The following TMPRSS7 variants were observed in gnomAD, a reference collection of about 807,000 sequenced individuals.
The protein encoded by TMPRSS7 is transmembrane serine protease 7.
In TMPRSS7, 81 loss-of-function variants were observed where a neutral mutation model predicts 95.6. That is an observed-to-expected ratio of 0.85 (90% CI 0.71 to 1.02). TMPRSS7 has a LOEUF of 1.02. Ranked by LOEUF, TMPRSS7 falls within the 50% of genes least tolerant of loss-of-function variation. The pLI, the probability that TMPRSS7 is intolerant of heterozygous loss-of-function variation, is 0.00. For synonymous variants in TMPRSS7, 364 were observed against 337.8 expected (o/e 1.08, Z -0.85); for missense variants, 945 against 955.2 (o/e 0.99, Z 0.14).
chr3:112,055,349 A>C (rs2073419531), intron 9 of TMPRSS7, among the ~76,000 whole-genome samples: 1 of 152,058 alleles, frequency 6.6e-6, no homozygotes, highest in African/African-American at 2.4e-5. Flanking sequence ...TGTGATGTTT[A>C]AGTGAGAAAC....
chr3:112,077,117 A>G, exon 16 of TMPRSS7: 2 of 1,614,118 alleles, frequency 1.2e-6, no homozygotes, highest in East Asian at 2.2e-5. Context: ...GTGCTGGGTA[A>G]CTGGCTGGGG....
chr3:112,067,150 G>A (rs1404414046), intron 13 of TMPRSS7, among the ~76,000 whole-genome samples: 1 of 152,178 alleles, frequency 6.6e-6, no homozygotes, highest in African/African-American at 2.4e-5. Flanking sequence ...CCCTGCAAAG[G>A]ACATGAACTC....
intron 16 of TMPRSS7, among the ~76,000 whole-genome samples, chr3:112,077,769 G>A (rs996605622): frequency 6.6e-6 from 1 of 152,186 alleles, no homozygotes; most frequent in Non-Finnish European, 1.5e-5. Flanking sequence ...AGGCTGTATA[G>A]TAGGGAAGTC....
intron 13 of TMPRSS7, among the ~76,000 whole-genome samples, chr3:112,068,722 G>C (rs1321770844): frequency 6.6e-6 from 1 of 152,160 alleles, no homozygotes; most frequent in Non-Finnish European, 1.5e-5. Flanking sequence ...GAGATTTTGG[G>C]CTGAGATGAT....
intron 9 of TMPRSS7, among the ~76,000 whole-genome samples, 153 bp downstream of exon 9, chr3:112,050,936 T>G (rs2073340338): frequency 6.6e-6 from 1 of 152,242 alleles, no homozygotes; most frequent in South Asian, 2.1e-4. Flanking sequence ...AACACTTTTC[T>G]GTAATTTCAA....
chr3:112,066,274 C>A, intron 12 of TMPRSS7, 118 bp from the exon 13 acceptor site: 1 of 788,462 alleles, frequency 1.3e-6, no homozygotes, highest in Non-Finnish European at 2.0e-6. Flanking sequence ...GGAAAATACA[C>A]TTTTTGTTTT....
chr3:112,069,503 G>A (rs1039304024), intron 13 of TMPRSS7, among the ~76,000 whole-genome samples: 8 of 152,168 alleles, frequency 5.3e-5, no homozygotes, highest in African/African-American at 1.9e-4. Flanking sequence ...CAATTTCAGA[G>A]CCTGTTATTG....
At chr3:112,058,090 T>C (rs1347493105) in intron 10 of TMPRSS7, among the ~76,000 whole-genome samples, 2 of 152,234 alleles carry the variant, frequency 1.3e-5, no homozygotes, top group African/African-American at 4.8e-5. Context: ...CTTAGTTCAC[T>C]TTCAGAGAAT....
chr3:112,047,502 C>A (rs960305602), intron 6 of TMPRSS7: 2 of 635,242 alleles, frequency 3.1e-6, no homozygotes, highest in Non-Finnish European at 2.9e-6. Flanking sequence ...GGGTTATGTG[C>A]CCACCTCTGA....
At chr3:112,055,932 C>T (rs1392797768) in intron 9 of TMPRSS7, among the ~76,000 whole-genome samples, 1 of 152,222 alleles carries the variant, frequency 6.6e-6, no homozygotes, top group African/African-American at 2.4e-5. Context: ...GTGCTCACGC[C>T]TATAATCCCA....
intron 1 of TMPRSS7, among the ~76,000 whole-genome samples, chr3:112,037,458 G>A (rs1009106202): frequency 6.6e-6 from 1 of 152,184 alleles, no homozygotes; most frequent in African/African-American, 2.4e-5. Flanking sequence ...CCTGTTTCCT[G>A]CTAAGATGTT....
chr3:112,041,836 G>A (rs1014382508), intron 2 of TMPRSS7, 84 bp from the exon 3 acceptor site: 2 of 868,622 alleles, frequency 2.3e-6, no homozygotes, highest in Non-Finnish European at 3.7e-6. Flanking sequence ...TATTTTAGGA[G>A]CCTCATACTG....
chr3:112,076,594 T>C (rs923711908), intron 15 of TMPRSS7, among the ~76,000 whole-genome samples: 1 of 152,214 alleles, frequency 6.6e-6, no homozygotes, highest in Non-Finnish European at 1.5e-5. Context: ...GAAATACTAG[T>C]GGAAAGAAAA....
At chr3:112,036,100 A>G (rs2073148223) in intron 1 of TMPRSS7, among the ~76,000 whole-genome samples, 1 of 152,166 alleles carries the variant, frequency 6.6e-6, no homozygotes, top group South Asian at 2.1e-4. Flanking sequence ...GCAAATTATC[A>G]TATCACCTTT....
intron 17 of TMPRSS7, 119 bp downstream of exon 17, chr3:112,078,997 C>A: frequency 8.6e-7 from 1 of 1,157,962 alleles, no homozygotes; most frequent in Non-Finnish European, 1.2e-6. Context: ...TTCACTTGAG[C>A]TGCTCAGATA....
chr3:112,059,062 C>A (rs1426604791), intron 10 of TMPRSS7, among the ~76,000 whole-genome samples: 1 of 152,150 alleles, frequency 6.6e-6, no homozygotes, highest in Admixed American at 6.5e-5. Flanking sequence ...AAAAAGTAAT[C>A]CTGACTGGAA....
intron 2 of TMPRSS7, among the ~76,000 whole-genome samples, chr3:112,041,023 C>T (rs752234753): frequency 1.5e-4 from 22 of 148,458 alleles, no homozygotes; most frequent in African/African-American, 3.5e-4. Context: ...GAGAAGGATG[C>T]GTGAGCTTCT....
intron 13 of TMPRSS7, among the ~76,000 whole-genome samples, chr3:112,072,589 G>A (rs2073663317): frequency 6.6e-6 from 1 of 152,246 alleles, no homozygotes; most frequent in African/African-American, 2.4e-5. Flanking sequence ...GGAGTCTATA[G>A]GGGCAGTAGG....
chr3:112,060,864 A>G (rs771988783), intron 10 of TMPRSS7, among the ~76,000 whole-genome samples: 2 of 151,340 alleles, frequency 1.3e-5, no homozygotes, highest in Non-Finnish European at 2.9e-5. Context: ...AAATCTTCAC[A>G]ATTTATGTTT....
Sources: allele counts gnomAD v4.1 joint callset (sites outside exome capture counted in the v4.1 genomes callset), GRCh38; gene constraint gnomAD v4.1.1; transcripts MANE v1.5; gene names NCBI Gene and HGNC (gene_info 2026-07-23, HGNC 2026-07-21).